Variants in CYP2S1 observed in about 807,000 individuals in gnomAD.
CYP2S1 encodes cytochrome P450 2S1.
In CYP2S1, 32 loss-of-function variants were observed where a neutral mutation model predicts 43.5. The ratio of observed to expected loss-of-function variants is 0.74; its 90% CI spans 0.56 to 0.99. The LOEUF is 0.99. Among genes scored for constraint, CYP2S1 ranks in the 50% least tolerant of loss-of-function variants. The probability of loss-of-function intolerance (pLI) is 0.00; values close to 1 mark genes in which losing one functional copy is unlikely to be tolerated. For missense variants in CYP2S1, 575 were observed against 673.9 expected (o/e 0.85, Z 1.62); for synonymous variants, 283 against 302.9 (o/e 0.93, Z 0.68).
In CYP2S1 at chr19:41,194,628, C is replaced by G. The variant is rs374503413; in HGVS notation, c.262C>G (p.Arg88Gly). The change falls in exon 2 of 9, where the codon CGG (arginine) becomes GGG (glycine). Residue 88 changes from arginine (R) to glycine (G), a missense_variant. Physicochemically the swap from Arg to Gly is moderately radical, Grantham distance 125. Transcript: ENST00000310054. ...GGTCCTGGTTGGGCAGGAGGCTGTG[C>G]GGGAGGCCCTGGGAGGTCAGGCTGA... The part of the protein sequence containing the change: ...VVVLVGQEAV[R>G]EALGGQAEEF... The G allele has an allele frequency of 1.2e-6, 2 of 1,611,914 alleles. No individual in the cohort carries two copies. The highest frequency in any genetic ancestry group is 1.7e-6 in the Non-Finnish European group (2 of 1,179,136).
intron 5 of CYP2S1, among the ~76,000 whole-genome samples, chr19:41,200,385 T>C (rs2033473399): frequency 6.6e-6 from 1 of 152,104 alleles, no homozygotes; most frequent in Non-Finnish European, 1.5e-5. Flanking sequence ...TCACCTTTTT[T>C]TTTTTGAGAT....
At position 41,203,621 on chromosome 19, in the gene CYP2S1, G is replaced by T; in HGVS notation, c.1148G>T (p.Gly383Val). 1 of 1,543,532 alleles carries T rather than the reference G, an allele frequency of 6.5e-7. No individual in the cohort carries two copies. ...RTLMRTTRFR[G>V]YTLPQGTEVF... The stretch of plus-strand genomic sequence containing the variant: ...CTCATGCGGACCACCCGCTTCCGAG[G>T]GTACACCCTGCCCCAGGTGGGTATG... The change falls in exon 7 of 9, where the codon GGG becomes GTG. Residue 383 changes from glycine (G) to valine (V), a missense_variant. Gly to Val is a moderately radical substitution (Grantham distance 109). Coordinates refer to ENST00000310054, the MANE Select transcript of CYP2S1 (RefSeq NM_030622.8).
chr19:41,204,300 G>A (rs2122167272), intron 7 of CYP2S1, among the ~76,000 whole-genome samples: 1 of 152,252 alleles, frequency 6.6e-6, no homozygotes, highest in South Asian at 2.1e-4. Flanking sequence ...AATCGAATGA[G>A]GTAACATACA....
Position 41,198,285 on chromosome 19 carries a change from C to T in CYP2S1, c.494-177C>T, listed in dbSNP as rs916544103. 4.6e-5 allele frequency among the ~76,000 whole-genome samples: 7 copies of T among 152,002 alleles called. No homozygotes were observed. Among genetic ancestry groups the T allele is most frequent in the Non-Finnish European group, 7.4e-5 (5 of 68,002 alleles). On this transcript the variant is annotated intron_variant, in intron 3 of 8. Coordinates refer to ENST00000310054, the MANE Select transcript of CYP2S1 (RefSeq NM_030622.8). This position sits in a 1 kb window ranked among gnomAD's most constrained non-coding sequence, Gnocchi z 4.9. ...TGATGGTCACTCTGTTTCTTTCTCC[C>T]TGTCTGTTTCTCTGTCCCTATCTGT...
intron 8 of CYP2S1, 69 bp downstream of exon 8, chr19:41,206,168 G>T (rs544380798): frequency 4.9e-5 from 79 of 1,604,106 alleles, no homozygotes; most frequent in Non-Finnish European, 6.6e-5. Flanking sequence ...CCAGCTGGGG[G>T]CACCCTTCTG....
intron 5 of CYP2S1, among the ~76,000 whole-genome samples, chr19:41,200,175 T>C (rs993710645): frequency 2.0e-5 from 3 of 152,110 alleles, no homozygotes; most frequent in African/African-American, 7.2e-5. Context: ...TTTTCTCTTT[T>C]ATTGAATATT....
chr19:41,194,435 G>C (rs1476189400), intron 1 of CYP2S1, 109 bp from the exon 2 acceptor site: 2 of 1,375,128 alleles, frequency 1.5e-6, no homozygotes, highest in Admixed American at 2.9e-5. Flanking sequence ...TCCTGGTAGA[G>C]GGCGTAGAAG....
At chr19:41,205,453 TTCTC>T (rs965167917) in intron 7 of CYP2S1, among the ~76,000 whole-genome samples, 33 of 119,816 alleles carry the variant, frequency 2.8e-4, no homozygotes, top group African/African-American at 8.6e-4. Flanking sequence ...TTCTTTTTCT[TTCTC>T]TCTCTCTCTC....
In CYP2S1 at chr19:41,198,287, G is replaced by C. The variant is rs1480721254; in HGVS notation, c.494-175G>C. 1.3e-5 allele frequency among the ~76,000 whole-genome samples: 2 copies of C among 151,648 alleles called. No homozygotes were observed. The highest frequency in any genetic ancestry group is 2.9e-5 in the Non-Finnish European group (2 of 67,932). On this transcript the variant is annotated intron_variant, in intron 3 of 8. Transcript: ENST00000310054. The surrounding 1 kb of genome is among the most constrained non-coding windows in gnomAD (Gnocchi z 4.9). ...ATGGTCACTCTGTTTCTTTCTCCCT[G>C]TCTGTTTCTCTGTCCCTATCTGTCT...
At position 41,206,052 on chromosome 19, in the gene CYP2S1, C is replaced by T; in HGVS notation, c.1259C>T (p.Ala420Val). ...EEFNPDRFLDADGRFRKHEAF... is the reference protein window; with the variant it reads ...EEFNPDRFLDVDGRFRKHEAF... ...TTCAACCCAGACCGTTTCCTGGATG[C>T]AGATGGACGGTTCAGGAAGCATGAG... The change falls in exon 8 of 9, where the codon GCA (alanine) becomes GTA (valine). Residue 420 changes from alanine to valine, a missense_variant. By Grantham distance (64) the Ala-to-Val change is moderately conservative (BLOSUM62 0). Around this residue, in one of 2 missense-constraint regions of CYP2S1, gnomAD observed 222 missense variants for 306.3 expected, o/e 0.72. Coordinates refer to ENST00000310054, the MANE Select transcript of CYP2S1 (RefSeq NM_030622.8). 6.2e-7 allele frequency: 1 copy of T among 1,614,128 alleles called. No homozygotes were observed.
intron 2 of CYP2S1, 31 bp from the exon 3 acceptor site, chr19:41,197,748 G>C: frequency 1.2e-6 from 2 of 1,610,330 alleles, no homozygotes; most frequent in East Asian, 4.5e-5. Context: ...GAGAGGGGCC[G>C]GTCCCTTTTT....
chr19:41,205,383 TC>T (rs1478403431), intron 7 of CYP2S1, among the ~76,000 whole-genome samples: 1,622 of 72,756 alleles, frequency 0.022, 30 homozygotes, highest in African/African-American at 0.12. Context: ...TCTTTCTTTC[TC>T]TCTCTCTCTT....
At position 41,198,956 on chromosome 19, in the gene CYP2S1, G is replaced by T; in HGVS notation, c.834+68G>T. On this transcript the variant is annotated intron_variant, in intron 5 of 8. Transcript: ENST00000310054. This position sits in a 1 kb window ranked among gnomAD's most constrained non-coding sequence, Gnocchi z 4.9. ...TGACCTGGCAGGTCCCCAGCCAGGT[G>T]TCCCTGGGGACCTCAATTGGGTTCC... The T allele has an allele frequency of 6.5e-7, 1 of 1,532,234 alleles. No individual in the cohort carries two copies. Among genetic ancestry groups the T allele is most frequent in the Non-Finnish European group, 8.8e-7 (1 of 1,135,094 alleles). The allele number at this position is 1,532,234 out of a possible 1,614,324, so 94.9% of individuals were successfully genotyped here. A position where few individuals can be genotyped will look rare whatever the true frequency, so the allele number is the denominator to read the frequency against.
At position 41,198,284 on chromosome 19, in the gene CYP2S1, CCTGT is replaced by C. The variant is rs1479968027; in HGVS notation, c.494-173_494-170del. On this transcript the variant is annotated intron_variant, in intron 3 of 8. Transcript: ENST00000310054. The surrounding 1 kb of genome is among the most constrained non-coding windows in gnomAD (Gnocchi z 4.9). Reference sequence around the variant, plus strand: ...GTGATGGTCACTCTGTTTCTTTCTCCCTGTCTGTTTCTCTGTCCCTATCTGTCTG... The same window carrying C: ...GTGATGGTCACTCTGTTTCTTTCTCCCTGTTTCTCTGTCCCTATCTGTCTG... Among the ~76,000 whole-genome samples the C allele has an allele frequency of 1.3e-5, 2 of 151,834 alleles. No homozygotes were observed.
intron 2 of CYP2S1, 122 bp from the exon 3 acceptor site, chr19:41,197,657 G>A (rs1055362564): frequency 2.3e-5 from 33 of 1,440,678 alleles, no homozygotes; most frequent in Non-Finnish European, 2.8e-5. Flanking sequence ...ACGAGATCAC[G>A]CCACTGCACT....
At position 41,205,334 on chromosome 19, in the gene CYP2S1, C is replaced by T. The variant is rs969237647; in HGVS notation, c.1165-624C>T. On this transcript the variant is annotated intron_variant, in intron 7 of 8. Coordinates refer to ENST00000310054, the MANE Select transcript of CYP2S1 (RefSeq NM_030622.8). ...TAACTACTATTCTTTGCCTTTCTTTCTTTCTTTTTTTCTTTCTTTCTTTCT... is the reference window on the plus strand; with the variant it reads ...TAACTACTATTCTTTGCCTTTCTTTTTTTCTTTTTTTCTTTCTTTCTTTCT... Among the ~76,000 whole-genome samples, 10 of 101,140 alleles carry T rather than the reference C, an allele frequency of 9.9e-5. 1 individual carries two copies. The highest frequency in any genetic ancestry group is 4.7e-4 in the African/African-American group (9 of 19,308). The allele number at this position is 101,140 out of a possible 152,430, so 66.4% of individuals were successfully genotyped here.
At chr19:41,203,104 C>T (rs546162576) in intron 6 of CYP2S1, among the ~76,000 whole-genome samples, 3 of 151,522 alleles carry the variant, frequency 2.0e-5, no homozygotes, top group Admixed American at 1.3e-4. Flanking sequence ...CCCAGCTACT[C>T]AGGAGGCTGA....
At position 41,206,412 on chromosome 19, in the gene CYP2S1, G is replaced by T. The variant is rs2033579580; in HGVS notation, c.1439G>T (p.Gly480Val). 1.2e-6 allele frequency: 2 copies of T among 1,614,126 alleles called. No individual in the cohort carries two copies. The highest frequency in any genetic ancestry group is 4.5e-5 in the East Asian group (2 of 44,872). ...DTLSLKPTVS[G>V]LFNIPPAFQL... ...CTGAGCCTCAAGCCCACCGTCAGTG[G>T]CCTTTTCAACATTCCCCCAGCCTTC... Residue 480 changes from glycine to valine, a missense_variant, in exon 9 of 9, where the codon GGC (glycine) becomes GTC (valine). Physicochemically the swap from Gly to Val is moderately radical, Grantham distance 109 (BLOSUM62 -3). Transcript: ENST00000310054.
In CYP2S1 at chr19:41,206,372, T is replaced by C. The variant is rs201306223; in HGVS notation, c.1399T>C (p.Cys467Arg). Residue 467 changes from cysteine to arginine, a missense_variant, in exon 9 of 9, where the codon TGC becomes CGC. Cys to Arg is a radical substitution (Grantham distance 180). Transcript: ENST00000310054. ...ACAAGCCTTCTCCCTGGAGAGCCCGTGCCCGCCGGACACCCTGAGCCTCAA... is the reference window on the plus strand; with the variant it reads ...ACAAGCCTTCTCCCTGGAGAGCCCGCGCCCGCCGGACACCCTGAGCCTCAA... Reference protein sequence around the residue: ...ILQAFSLESPCPPDTLSLKPT... With the variant: ...ILQAFSLESPRPPDTLSLKPT... The C allele has an allele frequency of 1.2e-4, 196 of 1,614,028 alleles. 1 individual carries two copies. The highest frequency in any genetic ancestry group is 4.4e-4 in the South Asian group (40 of 91,094).
Sources: gnomAD v4.1 joint callset for allele counts (sites outside exome capture counted in the v4.1 genomes callset) on GRCh38, gnomAD v4.1.1 for gene constraint, gnomAD v4.1.1 regional missense constraint, Gnocchi (gnomAD v3.1) non-coding constraint, MANE v1.5 for transcripts, NCBI Gene and HGNC (gene_info 2026-07-23, HGNC 2026-07-21) for gene names.